The following SCN1A variants were observed in gnomAD, a reference collection of about 807,000 sequenced individuals.
The protein encoded by SCN1A is sodium channel protein type 1 subunit alpha.
Under a neutral mutation model 193.7 loss-of-function variants are expected in SCN1A, and 13 were observed. The ratio of observed to expected loss-of-function variants is 0.07; its 90% CI spans 0.04 to 0.11. The LOEUF (loss-of-function observed/expected upper bound fraction) is 0.11, where lower values mean the gene tolerates loss of function less well. Ranked by LOEUF, SCN1A falls within the 10% of genes least tolerant of loss-of-function variation. The probability of loss-of-function intolerance (pLI) is 1.00; values close to 1 mark genes in which losing one functional copy is unlikely to be tolerated. For synonymous variants in SCN1A, 781 were observed against 843.6 expected, an observed-to-expected ratio of 0.93 and a Z score of 1.29; for missense variants, 1,432 against 2,451.1, an observed-to-expected ratio of 0.58 and a Z score of 8.78.
chr2:165,994,512 G>T, intron 27 of SCN1A, 96 bp from the exon 28 acceptor site: 1 of 1,161,120 alleles, frequency 8.6e-7, no homozygotes, highest in South Asian at 1.3e-5. Context: ...CTAGTTTCTT[G>T]CAAAGTAGTC....
At chr2:166,071,892 A>G (rs547527257) in intron 4 of SCN1A, 1 of 151,628 alleles carries the variant, frequency 6.6e-6, no homozygotes, top group Non-Finnish European at 1.5e-5. Flanking sequence ...TGCGTCTCAA[A>G]AAGAAAAAAA....
chr2:166,018,639 T>G (rs1693625287), intron 19 of SCN1A, among the ~76,000 whole-genome samples: 1 of 152,066 alleles, frequency 6.6e-6, no homozygotes, highest in South Asian at 2.1e-4. Context: ...AGTTTTAAGT[T>G]TATATGATTT....
chr2:166,039,373 TGATTGTTAGAAAG>T, intron 17 of SCN1A, 37 bp downstream of exon 17: 1 of 1,584,432 alleles, frequency 6.3e-7, no homozygotes, highest in Non-Finnish European at 8.6e-7. Flanking sequence ...GCAAGAACCC[TGATTGTTAGAAAG>T]GTTTTTGAAT....
At chr2:166,020,915 CTG>C (rs1693980612) in intron 19 of SCN1A, among the ~76,000 whole-genome samples, 5 of 152,082 alleles carry the variant, frequency 3.3e-5, no homozygotes, top group Admixed American at 3.3e-4. Context: ...TGAACCCATG[CTG>C]GAACAAGGCA....
At chr2:166,067,021 G>A (rs764565941) in intron 4 of SCN1A, among the ~76,000 whole-genome samples, 28 of 151,922 alleles carry the variant, frequency 1.8e-4, no homozygotes, top group Admixed American at 3.9e-4. Flanking sequence ...TCTTTCCTTG[G>A]AAGATTCTCC....
intron 28 of SCN1A, chr2:165,993,102 GTAAAGT>G (rs973766853): frequency 6.6e-6 from 1 of 151,418 alleles, no homozygotes; most frequent in Admixed American, 6.6e-5. Context: ...AACAATACTT[GTAAAGT>G]TAAAAAGAAG....
At chr2:166,014,592 CAAA>C (rs3032611) in intron 20 of SCN1A, among the ~76,000 whole-genome samples, 86 of 56,602 alleles carry the variant, frequency 1.5e-3, no homozygotes, top group African/African-American at 3.5e-3. Flanking sequence ...ATCTGGTTTT[CAAA>C]AAAAAAAAAA....
rs1011745148 is a variant in SCN1A at position 165,990,744 on chromosome 2, T to C, written c.*501A>G. On this transcript the variant is annotated 3_prime_UTR_variant, in exon 29 of 29. Coordinates refer to ENST00000674923, the MANE Select transcript of SCN1A (RefSeq NM_001165963.4). ...TGGTTGCCATACCCCCCAGGTGGCA[T>C]ACCTGTTATAGAGGTCCTTAGCCTA... 5.0e-5 allele frequency: 8 copies of C among 159,376 alleles called. No homozygotes were observed. Among genetic ancestry groups the C allele is most frequent in the African/African-American group, 1.9e-4 (8 of 41,466 alleles). The allele number at this position is 159,376 out of a possible 1,614,324, so 9.9% of individuals were successfully genotyped here.
At chr2:166,073,722 T>C (rs1684721478) in intron 3 of SCN1A, 52 bp from the exon 4 acceptor site, 1 of 1,259,242 alleles carries the variant, frequency 7.9e-7, no homozygotes, top group Non-Finnish European at 1.1e-6. Context: ...GAGATGTTAA[T>C]ATAAATAAAT....
At chr2:166,113,210 A>G (rs912292397) in intron 2 of SCN1A, among the ~76,000 whole-genome samples, 69 of 151,348 alleles carry the variant, frequency 4.6e-4, no homozygotes, top group African/African-American at 1.6e-3. Context: ...TGGTGAGGGA[A>G]AAACAGAAAC....
chr2:166,033,849 A>G (rs1266014012), intron 19 of SCN1A, among the ~76,000 whole-genome samples: 2 of 145,426 alleles, frequency 1.4e-5, no homozygotes, highest in Non-Finnish European at 3.0e-5. Flanking sequence ...TTTTTAATAT[A>G]ACAGATAGCA....
upstream of SCN1A, among the ~76,000 whole-genome samples, chr2:166,129,309 T>C (rs190481494): frequency 1.3e-3 from 191 of 152,268 alleles, no homozygotes; most frequent in African/African-American, 4.2e-3. Flanking sequence ...AGTTCACCAT[T>C]TTTTCCTGTT....
intron 2 of SCN1A, among the ~76,000 whole-genome samples, chr2:166,086,402 C>T (rs1485856689): frequency 8.5e-5 from 13 of 152,140 alleles, no homozygotes; most frequent in South Asian, 2.1e-4. Flanking sequence ...AAAACTCTAC[C>T]CTCGGATCAT....
chr2:166,063,516 A>G (rs1683535753), intron 4 of SCN1A, among the ~76,000 whole-genome samples: 1 of 152,120 alleles, frequency 6.6e-6, no homozygotes, highest in Non-Finnish European at 1.5e-5. Flanking sequence ...CCTGTGCTAC[A>G]TTCTAAAGAG....
chr2:166,049,267 A>G (rs1397078085), intron 9 of SCN1A, among the ~76,000 whole-genome samples: 1 of 152,020 alleles, frequency 6.6e-6, no homozygotes, highest in Non-Finnish European at 1.5e-5. Context: ...TACTAACATA[A>G]TCTTTCAAAA....
rs1456224835 is a variant in SCN1A, at chr2:165,990,971, C to G, written c.*274G>C. On this transcript the variant is annotated 3_prime_UTR_variant, in exon 29 of 29. Transcript: ENST00000674923. ...CAGGTTTGCACCCCTTGAAACTGGT[C>G]CCTACAGTCTGACTAGCCATTGTGC... 1 of 429,292 alleles carries G rather than the reference C, an allele frequency of 2.3e-6. No individual in the cohort carries two copies. Among genetic ancestry groups the G allele is most frequent in the African/African-American group, 2.0e-5 (1 of 50,150 alleles). 26.6% of individuals were successfully genotyped at this position (429,292 alleles called of 1,614,324 possible).
intron 2 of SCN1A, among the ~76,000 whole-genome samples, chr2:166,103,541 A>C (rs1172423122): frequency 2.0e-5 from 3 of 152,124 alleles, no homozygotes; most frequent in Admixed American, 2.0e-4. Flanking sequence ...CGGAGGAAGC[A>C]CAGAAGAGGA....
chr2:166,009,400 C>T (rs930905710), intron 23 of SCN1A: 1 of 185,076 alleles, frequency 5.4e-6, no homozygotes, highest in African/African-American at 2.4e-5. Flanking sequence ...TTTAGATTAC[C>T]ATTATATCAT....
intron 4 of SCN1A, among the ~76,000 whole-genome samples, chr2:166,069,240 T>G (rs1354813935): frequency 6.6e-6 from 1 of 152,322 alleles, no homozygotes; most frequent in African/African-American, 2.4e-5. Context: ...AGCATTTTTT[T>G]CCCCTGAGTT....
Sources: gnomAD v4.1 joint callset for allele counts (sites outside exome capture counted in the v4.1 genomes callset) on GRCh38, gnomAD v4.1.1 for gene constraint, MANE v1.5 for transcripts, NCBI Gene and HGNC (gene_info 2026-07-23, HGNC 2026-07-21) for gene names.